Variants in OR4E2 observed in about 807,000 individuals in gnomAD.
OR4E2 encodes the protein olfactory receptor 4E2.
In OR4E2, 9 loss-of-function variants were observed where a neutral mutation model predicts 11.0. That is an observed-to-expected ratio of 0.82 (90% CI 0.49 to 1.43). The LOEUF (loss-of-function observed/expected upper bound fraction) is 1.43, where lower values mean the gene tolerates loss of function less well. Ranked by LOEUF, OR4E2 falls within the 40% of genes most tolerant of loss-of-function variation. The pLI, the probability that OR4E2 is intolerant of heterozygous loss-of-function variation, is 0.00. For missense variants in OR4E2, 441 were observed against 382.0 expected (o/e 1.15, Z -1.29); for synonymous variants, 159 against 147.3 (o/e 1.08, Z -0.57).
At chr14:21,655,149 T>C (rs1283225926) in intron 1 of OR4E2, among the ~76,000 whole-genome samples, 1 of 152,182 alleles carries the variant, frequency 6.6e-6, no homozygotes, top group African/African-American at 2.4e-5. Flanking sequence ...ATTAAAGGGA[T>C]AAAATTATTA....
chr14:21,663,893 G>T (rs1880477780), intron 3 of OR4E2, among the ~76,000 whole-genome samples: 1 of 152,134 alleles, frequency 6.6e-6, no homozygotes, highest in Non-Finnish European at 1.5e-5. Context: ...TGAGGATAAT[G>T]GCTTCCAAGT....
intron 3 of OR4E2, 66 bp from the exon 4 acceptor site, chr14:21,665,009 T>C (rs536305448): frequency 7.4e-6 from 6 of 811,272 alleles, no homozygotes; most frequent in African/African-American, 7.0e-5. Context: ...GAATACAAAG[T>C]CATTTCAATT....
chr14:21,654,747 TGA>T (rs34453088), intron 1 of OR4E2, among the ~76,000 whole-genome samples: 392 of 146,096 alleles, frequency 2.7e-3, no homozygotes, highest in Middle Eastern at 7.1e-3. Flanking sequence ...ATATATAAAA[TGA>T]GAGAGAGAGA....
intron 3 of OR4E2, among the ~76,000 whole-genome samples, chr14:21,662,958 A>G (rs866071371): frequency 1.3e-5 from 2 of 152,346 alleles, no homozygotes; most frequent in South Asian, 2.1e-4. Context: ...ATAAAAAGTT[A>G]GGGTAATATA....
chr14:21,665,289 T>A lies in OR4E2; in HGVS notation c.207T>A (p.Ile69=). 3 of 1,614,112 alleles carry A rather than the reference T, an allele frequency of 1.9e-6. No individual in the cohort carries two copies. The highest frequency in any genetic ancestry group is 2.5e-6 in the Non-Finnish European group (3 of 1,179,978). Residue 69 remains isoleucine (I), a synonymous_variant, in exon 4 of 4, where the codon ATT becomes ATA. Transcript: ENST00000641524. ...TCTTCCTGAGCAATCTGTCCTTTAT[T>A]GACATCTGCCACTCATCTGTCACTG... The part of the protein sequence containing the change: ...MYFFLSNLSF[I]DICHSSVTVP...
In OR4E2 at chr14:21,666,551, T is replaced by G. The variant is rs1434905173; in HGVS notation, c.*527T>G. The G allele has an allele frequency of 6.7e-6, 1 of 150,302 alleles. No homozygotes were observed. The highest frequency in any genetic ancestry group is 1.5e-5 in the Non-Finnish European group (1 of 67,036). The allele number at this position is 150,302 out of a possible 1,614,324, so 9.3% of individuals were successfully genotyped here. A position where few individuals can be genotyped will look rare whatever the true frequency, so the allele number is the denominator to read the frequency against. ...AATTCTCTCATGTCTAGATCTATTT[T>G]GTACTTTTTTTTTGAGACAGGAATT... On this transcript the variant is annotated 3_prime_UTR_variant, in exon 4 of 4. Coordinates refer to ENST00000641524, the MANE Select transcript of OR4E2 (RefSeq NM_001001912.3).
At chr14:21,663,853 G>A (rs1880476026) in intron 3 of OR4E2, among the ~76,000 whole-genome samples, 1 of 152,156 alleles carries the variant, frequency 6.6e-6, no homozygotes, top group African/African-American at 2.4e-5. Flanking sequence ...AACATGTGAT[G>A]TTTGGTTTTC....
intron 3 of OR4E2, among the ~76,000 whole-genome samples, chr14:21,663,085 A>C (rs1399241035): frequency 6.6e-6 from 1 of 152,192 alleles, no homozygotes; most frequent in East Asian, 1.9e-4. Context: ...CTGCCTAAGA[A>C]GTTAGGTTCA....
intron 3 of OR4E2, among the ~76,000 whole-genome samples, chr14:21,664,086 T>C (rs1880489247): frequency 6.6e-6 from 1 of 152,214 alleles, no homozygotes; most frequent in African/African-American, 2.4e-5. Context: ...TCTTTATAAT[T>C]GAATAATTTA....
At chr14:21,663,211 G>A (rs1880431309) in intron 3 of OR4E2, among the ~76,000 whole-genome samples, 1 of 152,166 alleles carries the variant, frequency 6.6e-6, no homozygotes, top group Non-Finnish European at 1.5e-5. Flanking sequence ...TGGGCGCGGT[G>A]GCTCACGCCT....
chr14:21,659,584 T>C lies in OR4E2; in HGVS notation c.-102-1069T>C, dbSNP rs747777712. 2.0e-5 allele frequency among the ~76,000 whole-genome samples: 3 copies of C among 152,208 alleles called. No homozygotes were observed. The South Asian group carries it at 6.2e-4, about 32-fold the overall frequency. On this transcript the variant is annotated intron_variant, in intron 2 of 3. Transcript: ENST00000641524. ...TTGCTGAGTGACCATGAGTGAATTA[T>C]TTAATCTTGCAAATATTTTGGGAAG... is the stretch of plus-strand genomic sequence containing the variant.
At position 21,666,678 on chromosome 14, in the gene OR4E2, A is replaced by T. The variant is rs1880667742; in HGVS notation, c.*654A>T. On this transcript the variant is annotated 3_prime_UTR_variant, in exon 4 of 4. Transcript: ENST00000641524. ...ACACCCACAAGAATAGTAAAAATTA[A>T]AAAGGTAGAAAATACCAAGTGGTTT... The T allele has an allele frequency of 6.6e-6, 1 of 151,312 alleles. No individual in the cohort carries two copies. Among genetic ancestry groups the T allele is most frequent in the Non-Finnish European group, 1.5e-5 (1 of 67,902 alleles). 9.4% of individuals were successfully genotyped at this position (151,312 alleles called of 1,614,324 possible). A position where few individuals can be genotyped will look rare whatever the true frequency, so the allele number is the denominator to read the frequency against.
intron 1 of OR4E2, among the ~76,000 whole-genome samples, chr14:21,656,140 A>G (rs1223997453): frequency 1.3e-5 from 2 of 151,504 alleles, no homozygotes; most frequent in East Asian, 3.9e-4. Flanking sequence ...ACCAACCAAA[A>G]ACAAAAAACA....
chr14:21,660,181 C>T (rs1422607852), intron 2 of OR4E2, among the ~76,000 whole-genome samples: 2 of 152,096 alleles, frequency 1.3e-5, no homozygotes, highest in African/African-American at 2.4e-5. Context: ...ATTAGATTCT[C>T]ACAAGGAGTG....
Position 21,666,256 on chromosome 14 carries a change from T to A in OR4E2, c.*232T>A, listed in dbSNP as rs1227957878. 2.4e-6 allele frequency: 1 copy of A among 419,066 alleles called. No individual in the cohort carries two copies. The highest frequency in any genetic ancestry group is 4.2e-6 in the Non-Finnish European group (1 of 237,062). The allele number at this position is 419,066 out of a possible 1,614,324, so 26.0% of individuals were successfully genotyped here. A position where few individuals can be genotyped will look rare whatever the true frequency, so the allele number is the denominator to read the frequency against. ...GTGGAAGTTATAAGGAAAAATAACG[T>A]GGGAAAGTTTAAAGACAGCTTTTGA... On this transcript the variant is annotated 3_prime_UTR_variant, in exon 4 of 4. Transcript: ENST00000641524.
At chr14:21,657,373 C>T (rs942407370) in intron 2 of OR4E2, among the ~76,000 whole-genome samples, 3 of 146,442 alleles carry the variant, frequency 2.0e-5, no homozygotes, top group Admixed American at 7.1e-5. Context: ...TTCCTTCCTT[C>T]CTTCCTTCCT....
intron 3 of OR4E2, among the ~76,000 whole-genome samples, chr14:21,664,597 A>G (rs1347400919): frequency 1.3e-5 from 2 of 152,154 alleles, no homozygotes; most frequent in Non-Finnish European, 2.9e-5. Flanking sequence ...TTGGTCAGAG[A>G]GAAGAATTAA....
chr14:21,659,747 T>C (rs1277510371), intron 2 of OR4E2, among the ~76,000 whole-genome samples: 2 of 152,244 alleles, frequency 1.3e-5, no homozygotes, highest in African/African-American at 4.8e-5. Context: ...CTATGTTCTA[T>C]ATACTTTCCT....
chr14:21,663,218 G>A (rs1169955998), intron 3 of OR4E2, among the ~76,000 whole-genome samples: 6 of 152,146 alleles, frequency 3.9e-5, no homozygotes, highest in African/African-American at 7.2e-5. Flanking sequence ...GGTGGCTCAC[G>A]CCTGTAATCC....
Sources: allele counts gnomAD v4.1 joint callset (sites outside exome capture counted in the v4.1 genomes callset), GRCh38; gene constraint gnomAD v4.1.1; transcripts MANE v1.5; gene names NCBI Gene and HGNC (gene_info 2026-07-23, HGNC 2026-07-21).